Variants in PALS2 observed in about 807,000 individuals in gnomAD.
PALS2 encodes protein PALS2.
In PALS2, 27 loss-of-function variants were observed where a neutral mutation model predicts 61.6. The observed-to-expected ratio is 0.44, with a 90% CI of 0.32 to 0.60. The LOEUF is 0.60. Ranked by LOEUF, PALS2 falls within the 20% of genes least tolerant of loss-of-function variation. The probability of loss-of-function intolerance (pLI) is 0.05; values close to 1 mark genes in which losing one functional copy is unlikely to be tolerated. For synonymous variants in PALS2, 236 were observed against 218.6 expected (o/e 1.08, Z -0.70); for missense variants, 554 against 639.4 (o/e 0.87, Z 1.44).
chr7:24,644,002 CTT>C (rs996630138), intron 3 of PALS2, among the ~76,000 whole-genome samples: 2 of 151,736 alleles, frequency 1.3e-5, no homozygotes, highest in African/African-American at 2.4e-5. Context: ...GTGTTTTTAT[CTT>C]AACATTATAC....
intron 4 of PALS2, 58 bp downstream of exon 4, chr7:24,649,822 C>T (rs1786046412): frequency 7.2e-7 from 1 of 1,397,290 alleles, no homozygotes; most frequent in South Asian, 1.7e-5. Flanking sequence ...ATTTGTGGTT[C>T]AGTCACTACT....
At chr7:24,673,813 A>G (rs1338055937) in intron 9 of PALS2, among the ~76,000 whole-genome samples, 1 of 151,198 alleles carries the variant, frequency 6.6e-6, no homozygotes, top group Non-Finnish European at 1.5e-5. Flanking sequence ...TTTTCTTTCT[A>G]CTTGTACTTT....
chr7:24,625,670 G>C (rs994143883), intron 2 of PALS2, among the ~76,000 whole-genome samples: 1 of 152,100 alleles, frequency 6.6e-6, no homozygotes, highest in African/African-American at 2.4e-5. Context: ...CATTGATGTT[G>C]GTCTTTCAGA....
rs1386493464 is a variant in PALS2, at chr7:24,596,724, T to TC, written c.-3+23133dup. Among the ~76,000 whole-genome samples the TC allele has an allele frequency of 6.6e-6, 1 of 152,144 alleles. No homozygotes were observed. Among genetic ancestry groups the TC allele is most frequent in the Non-Finnish European group, 1.5e-5 (1 of 68,030 alleles). ...TGTTTAAAAAGGAAAAAAAGGACTC[T>TC]CCGTATATCTAGCTTTCTCCTGTGT... On this transcript the variant is annotated intron_variant, in intron 1 of 11. Coordinates refer to ENST00000222644, the MANE Select transcript of PALS2 (RefSeq NM_001303037.2). This position sits in a 1 kb window ranked among gnomAD's most constrained non-coding sequence, Gnocchi z 4.5.
intron 5 of PALS2, among the ~76,000 whole-genome samples, chr7:24,654,873 A>G (rs1392127678): frequency 1.3e-5 from 2 of 152,194 alleles, no homozygotes; most frequent in South Asian, 2.1e-4. Context: ...AAAGAGACCT[A>G]CACATACATA....
chr7:24,638,317 A>ATTTTTTTT (rs1562631729), intron 2 of PALS2, among the ~76,000 whole-genome samples: 4 of 14,254 alleles, frequency 2.8e-4, no homozygotes, highest in Non-Finnish European at 3.2e-4. Flanking sequence ...CAATTTCTGT[A>ATTTTTTTT]TTTTCTTTTT....
At chr7:24,577,711 A>G (rs763144486) in intron 1 of PALS2, among the ~76,000 whole-genome samples, 47 of 152,184 alleles carry the variant, frequency 3.1e-4, no homozygotes, top group Non-Finnish European at 3.5e-4. Flanking sequence ...ATGAGTGACT[A>G]CTTTTCATCA....
chr7:24,630,360 G>A (rs1784945883), intron 2 of PALS2, among the ~76,000 whole-genome samples: 1 of 152,148 alleles, frequency 6.6e-6, no homozygotes, highest in South Asian at 2.1e-4. Flanking sequence ...AGGGGGGATA[G>A]CATTAGGAGA....
intron 8 of PALS2, among the ~76,000 whole-genome samples, chr7:24,666,680 A>G (rs1233608376): frequency 6.6e-6 from 1 of 152,186 alleles, no homozygotes; most frequent in Non-Finnish European, 1.5e-5. Flanking sequence ...CATTCATGAA[A>G]ACATCAAGTT....
intron 1 of PALS2, among the ~76,000 whole-genome samples, chr7:24,585,008 T>C (rs1783004255): frequency 6.6e-6 from 1 of 151,952 alleles, no homozygotes; most frequent in Non-Finnish European, 1.5e-5. Context: ...CTCTGTTCTG[T>C]TCCATTGATC....
In PALS2 at chr7:24,685,398, C is replaced by T. The variant is rs114836413; in HGVS notation, c.1447-2040C>T. ...AACGAATCCAGCTTTTCTGTGCCCT[C>T]TCCACTTTGTTTCCTCCCACCCACA... On this transcript the variant is annotated intron_variant, in intron 11 of 11. Coordinates refer to ENST00000222644, the MANE Select transcript of PALS2 (RefSeq NM_001303037.2). 6.3e-3 allele frequency among the ~76,000 whole-genome samples: 960 copies of T among 152,322 alleles called. 9 individuals are homozygous for T. The highest frequency in any genetic ancestry group is 0.022 in the African/African-American group (915 of 41,566).
At chr7:24,606,364 A>G (rs554977376) in intron 1 of PALS2, among the ~76,000 whole-genome samples, 1 of 152,262 alleles carries the variant, frequency 6.6e-6, no homozygotes, top group African/African-American at 2.4e-5. Context: ...CAGTTCTTTT[A>G]AGAAGAAAAT....
chr7:24,623,742 C>A lies in PALS2; in HGVS notation c.75C>A (p.Leu25=). The A allele has an allele frequency of 6.2e-7, 1 of 1,606,796 alleles. No homozygotes were observed. The highest frequency in any genetic ancestry group is 8.5e-7 in the Non-Finnish European group (1 of 1,175,700). Residue 25 remains leucine (L), a synonymous_variant, in exon 2 of 12, where the codon CTC becomes CTA. Transcript: ENST00000222644. ...CAGAAGAAATAGACCTAATTTTCCTCAAGGGAATTATGGAGAATCCTATTG... is the reference window on the plus strand; with the variant it reads ...CAGAAGAAATAGACCTAATTTTCCTAAAGGGAATTATGGAGAATCCTATTG... ...TGAEEIDLIF[L]KGIMENPIVK... is the part of the protein sequence containing the mutation.
rs563884220 is a variant in PALS2 at position 24,687,218 on chromosome 7, G to A, written c.1447-220G>A. On this transcript the variant is annotated intron_variant, in intron 11 of 11. Transcript: ENST00000222644. This position sits in a 1 kb window ranked among gnomAD's most constrained non-coding sequence, Gnocchi z 4.5. ...TCCTAATATAAGTGAGGCAAAAGAT[G>A]CAGAATACTCATAAATGTAAACATG... Among the ~76,000 whole-genome samples the A allele has an allele frequency of 6.6e-6, 1 of 152,296 alleles. No homozygotes were observed. Among genetic ancestry groups the A allele is most frequent in the South Asian group, 2.1e-4 (1 of 4,818 alleles).
intron 3 of PALS2, among the ~76,000 whole-genome samples, chr7:24,646,844 A>C (rs1562638811): frequency 6.6e-6 from 1 of 152,170 alleles, no homozygotes; most frequent in Non-Finnish European, 1.5e-5. Context: ...TTATTGGTCT[A>C]TGCAGGGAAT....
intron 1 of PALS2, among the ~76,000 whole-genome samples, chr7:24,622,824 A>T (rs78056202): frequency 6.6e-6 from 1 of 151,738 alleles, no homozygotes; most frequent in African/African-American, 2.4e-5. Context: ...TGGGTTTTTC[A>T]TAGAAGCCTT....
At chr7:24,625,445 C>T (rs1784700386) in intron 2 of PALS2, among the ~76,000 whole-genome samples, 1 of 152,138 alleles carries the variant, frequency 6.6e-6, no homozygotes, top group Non-Finnish European at 1.5e-5. Flanking sequence ...ACTGTTTTAT[C>T]TTTCAACAAC....
chr7:24,688,387 CTG>C lies in PALS2; in HGVS notation c.*774_*775del, dbSNP rs1371923492. The C allele has an allele frequency of 6.6e-6, 1 of 152,202 alleles. No individual in the cohort carries two copies. The highest frequency in any genetic ancestry group is 1.5e-5 in the Non-Finnish European group (1 of 68,044). 9.4% of individuals were successfully genotyped at this position (152,202 alleles called of 1,614,324 possible). ...GGGGCTGGAAGCAAGGTCATGCAGACTGAGAGAGTGCCTTATCCTGTAAAACC... is the reference window on the plus strand; with the variant it reads ...GGGGCTGGAAGCAAGGTCATGCAGACAGAGAGTGCCTTATCCTGTAAAACC... On this transcript the variant is annotated 3_prime_UTR_variant, in exon 12 of 12. Transcript: ENST00000222644.
chr7:24,602,909 G>A (rs1234853627), intron 1 of PALS2, among the ~76,000 whole-genome samples: 1 of 152,096 alleles, frequency 6.6e-6, no homozygotes, highest in Non-Finnish European at 1.5e-5. Flanking sequence ...ATAAGCATCT[G>A]GTATTTTCCC....
Sources: allele counts gnomAD v4.1 joint callset (sites outside exome capture counted in the v4.1 genomes callset), GRCh38; gene constraint gnomAD v4.1.1; non-coding constraint Gnocchi (gnomAD v3.1); transcripts MANE v1.5; gene names NCBI Gene and HGNC (gene_info 2026-07-23, HGNC 2026-07-21).